Variants in TDRP observed in about 807,000 individuals in gnomAD.
TDRP encodes testis development-related protein.
Under a neutral mutation model 10.5 loss-of-function variants are expected in TDRP, and 12 were observed. The ratio of observed to expected loss-of-function variants is 1.15; its 90% confidence interval spans 0.73 to 1.86. The LOEUF is 1.86. TDRP is among the 40% of genes most tolerant of loss of function. TDRP has a pLI of 0.00. For synonymous variants in TDRP, 139 were observed against 95.4 expected, an observed-to-expected ratio of 1.46 and a Z score of -2.67; for missense variants, 353 against 229.2, an observed-to-expected ratio of 1.54 and a Z score of -3.49.
chr8:491,954 C>G lies in TDRP; in HGVS notation c.*445G>C, dbSNP rs1800989017. 2 of 1,120,152 alleles carry G rather than the reference C, an allele frequency of 1.8e-6. No individual in the cohort carries two copies. Among genetic ancestry groups the G allele is most frequent in the African/African-American group, 3.2e-5 (2 of 61,640 alleles). The allele number at this position is 1,120,152 out of a possible 1,614,324, so 69.4% of individuals were successfully genotyped here. ...TTTAACATAACTTTGGAAGATTCAT[C>G]TTACCTCCTGACTAATTTTCTAGCA... On this transcript the variant is annotated 3_prime_UTR_variant, in exon 3 of 3. Transcript: ENST00000324079.
chr8:520,259 C>A (rs897908257), intron 1 of TDRP, among the ~76,000 whole-genome samples: 30 of 152,286 alleles, frequency 2.0e-4, no homozygotes, highest in African/African-American at 6.7e-4. Flanking sequence ...TCAAGTTCAT[C>A]CATATACTAG....
intron 1 of TDRP, among the ~76,000 whole-genome samples, chr8:522,520 T>A (rs928604521): frequency 6.6e-6 from 1 of 152,180 alleles, no homozygotes; most frequent in Admixed American, 6.5e-5. Context: ...TCGTAAAACA[T>A]GTTGTTCCTT....
intron 1 of TDRP, among the ~76,000 whole-genome samples, chr8:543,576 G>A (rs1465019621): frequency 2.0e-5 from 3 of 150,344 alleles, no homozygotes; most frequent in South Asian, 2.1e-4. Flanking sequence ...AGGCACGTAA[G>A]CACTAACGCT....
intron 1 of TDRP, among the ~76,000 whole-genome samples, chr8:495,216 A>T (rs1167010744): frequency 1.3e-5 from 2 of 152,204 alleles, no homozygotes; most frequent in African/African-American, 4.8e-5. Context: ...GCTGGGCAAC[A>T]GAGCAAGACC....
At position 528,719 on chromosome 8, in the gene TDRP, G is replaced by C. The variant is rs115759996; in HGVS notation, c.108+15931C>G. Among the ~76,000 whole-genome samples, 1,192 of 152,220 alleles carry C rather than the reference G, an allele frequency of 7.8e-3. 22 individuals are homozygous for C. The highest frequency in any genetic ancestry group is 0.027 in the African/African-American group (1,128 of 41,530). On this transcript the variant is annotated intron_variant, in intron 1 of 2. Transcript: ENST00000324079. ...TGTGATTATTATGTATTATATGCCTGTATCAAAATCTCATGTACCCCTGTA... is the reference window on the plus strand; with the variant it reads ...TGTGATTATTATGTATTATATGCCTCTATCAAAATCTCATGTACCCCTGTA...
intron 1 of TDRP, among the ~76,000 whole-genome samples, chr8:507,083 C>G (rs933452721): frequency 1.3e-5 from 2 of 152,138 alleles, no homozygotes; most frequent in African/African-American, 4.8e-5. Flanking sequence ...AGGCAGGCAC[C>G]TTCTTCACAA....
Position 528,607 on chromosome 8 carries a change from T to A in TDRP, c.108+16043A>T, listed in dbSNP as rs1274226500. Among the ~76,000 whole-genome samples the A allele has an allele frequency of 1.5e-5, 2 of 131,288 alleles. 1 individual carries two copies. The highest frequency in any genetic ancestry group is 3.4e-5 in the Non-Finnish European group (2 of 58,042). 86.1% of individuals were successfully genotyped at this position (131,288 alleles called of 152,430 possible). On this transcript the variant is annotated intron_variant, in intron 1 of 2. Transcript: ENST00000324079. ...ACTACAGCCAATAATATTAAATAAT[T>A]GTACTTTTAAAAAATAAGAGTATAA...
At chr8:530,670 G>GC (rs1169355274) in intron 1 of TDRP, among the ~76,000 whole-genome samples, 3 of 152,150 alleles carry the variant, frequency 2.0e-5, no homozygotes, top group Non-Finnish European at 2.9e-5. Context: ...CTGTGGCACT[G>GC]CAAGTTGTCT....
chr8:530,119 G>A (rs1179394327), intron 1 of TDRP, among the ~76,000 whole-genome samples: 6 of 151,838 alleles, frequency 4.0e-5, no homozygotes, highest in African/African-American at 1.5e-4. Flanking sequence ...TCTTCTGCAT[G>A]ACTGGGTCAG....
intron 1 of TDRP, among the ~76,000 whole-genome samples, chr8:496,279 G>A (rs898576797): frequency 1.6e-4 from 24 of 152,198 alleles, no homozygotes; most frequent in African/African-American, 5.3e-4. Flanking sequence ...CTGATGCGCA[G>A]GGCCCATGGC....
chr8:508,282 T>C (rs1196006827), intron 1 of TDRP, among the ~76,000 whole-genome samples: 1 of 152,218 alleles, frequency 6.6e-6, no homozygotes, highest in African/African-American at 2.4e-5. Flanking sequence ...AAGAAAAAAT[T>C]AAGTGAACTT....
intron 1 of TDRP, among the ~76,000 whole-genome samples, chr8:496,540 A>G (rs1268540305): frequency 6.6e-6 from 1 of 152,196 alleles, no homozygotes; most frequent in Admixed American, 6.5e-5. Context: ...GGCTTGAGCT[A>G]ATGTCTCACT....
intron 1 of TDRP, among the ~76,000 whole-genome samples, chr8:507,593 GC>G (rs1378051061): frequency 6.6e-6 from 1 of 152,176 alleles, no homozygotes. Flanking sequence ...GGTAAGAGGG[GC>G]CACACCCAAC....
At chr8:529,765 T>C (rs1802137746) in intron 1 of TDRP, among the ~76,000 whole-genome samples, 1 of 152,138 alleles carries the variant, frequency 6.6e-6, no homozygotes, top group South Asian at 2.1e-4. Context: ...CCTTGTTATA[T>C]GACAAGTTGC....
chr8:516,725 C>G (rs1801765649), intron 1 of TDRP, among the ~76,000 whole-genome samples: 1 of 152,162 alleles, frequency 6.6e-6, no homozygotes, highest in African/African-American at 2.4e-5. Context: ...TCTCACCATG[C>G]AAGCCGGCAA....
intron 1 of TDRP, among the ~76,000 whole-genome samples, chr8:531,625 A>G (rs1802200869): frequency 6.6e-6 from 1 of 152,244 alleles, no homozygotes; most frequent in Admixed American, 6.5e-5. Flanking sequence ...AATCACAGTT[A>G]CAGACTGTCT....
intron 1 of TDRP, among the ~76,000 whole-genome samples, chr8:535,903 G>A (rs2116868630): frequency 6.6e-6 from 1 of 152,140 alleles, no homozygotes; most frequent in South Asian, 2.1e-4. Context: ...TGAGCAAGCT[G>A]GGCTCCACAT....
In TDRP at chr8:544,773, G is replaced by T. The variant is rs938075837; in HGVS notation, c.-16C>A. The T allele has an allele frequency of 8.1e-7, 1 of 1,230,986 alleles. No individual in the cohort carries two copies. The highest frequency in any genetic ancestry group is 1.0e-6 in the Non-Finnish European group (1 of 985,078). 76.3% of individuals were successfully genotyped at this position (1,230,986 alleles called of 1,614,324 possible). ...GCTTCCACATGGTCAGGCGGGCTCC[G>T]GCGTCCCTCCGTCCGTGCGTCGGGC... On this transcript the variant is annotated 5_prime_UTR_variant, in exon 1 of 3. Transcript: ENST00000324079.
At chr8:503,346 C>G (rs905995877) in intron 1 of TDRP, among the ~76,000 whole-genome samples, 2 of 151,794 alleles carry the variant, frequency 1.3e-5, no homozygotes, top group Non-Finnish European at 2.9e-5. Flanking sequence ...CCCACCTCAG[C>G]ACGTGTCAAC....
Sources: gnomAD v4.1 joint callset for allele counts (sites outside exome capture counted in the v4.1 genomes callset) on GRCh38, gnomAD v4.1.1 for gene constraint, MANE v1.5 for transcripts, NCBI Gene and HGNC (gene_info 2026-07-23, HGNC 2026-07-21) for gene names.